The following AGXT2 variants were observed in gnomAD, a reference collection of about 807,000 sequenced individuals.
AGXT2 encodes the protein alanine--glyoxylate aminotransferase 2, mitochondrial.
Under a neutral mutation model 62.5 loss-of-function variants are expected in AGXT2, and 61 were observed. The ratio of observed to expected loss-of-function variants is 0.98; its 90% CI spans 0.79 to 1.21. AGXT2 has a LOEUF of 1.21. AGXT2 is among the 50% of genes most tolerant of loss of function. AGXT2 has a pLI of 0.00. For missense variants in AGXT2, 666 were observed against 641.5 expected, an observed-to-expected ratio of 1.04 and a Z score of -0.41; for synonymous variants, 243 against 218.7, an observed-to-expected ratio of 1.11 and a Z score of -0.98.
In AGXT2 at chr5:35,012,986, TG is replaced by T. The variant is rs1561215892; in HGVS notation, c.1155del (p.Met386TrpfsTer12). On this transcript the variant is annotated frameshift_variant, in exon 11 of 14. Coordinates refer to ENST00000231420, the MANE Select transcript of AGXT2 (RefSeq NM_031900.4). LOFTEE classifies it high-confidence loss of function. ...LQHFNTFGGNPMACAIGSAVL... is the reference protein window; with the variant it reads ...LQHFNTFGGNXMACAIGSAVL... ...ACAGCAGATCCAATGGCACAGGCCA[TG>T]GGGTTCCCTCCAAAGGTGTTGAAGT... The T allele has an allele frequency of 5.8e-6, 9 of 1,551,738 alleles. No individual in the cohort carries two copies. Among genetic ancestry groups the T allele is most frequent in the Middle Eastern group, 1.7e-4 (1 of 5,992 alleles).
chr5:35,034,556 A>G (rs1395522656), intron 5 of AGXT2, among the ~76,000 whole-genome samples: 1 of 152,212 alleles, frequency 6.6e-6, no homozygotes. Flanking sequence ...TGTCTTTTAC[A>G]TTAACTTTAC....
intron 7 of AGXT2, among the ~76,000 whole-genome samples, chr5:35,031,946 T>A (rs1580602233): frequency 1.1e-4 from 1 of 8,818 alleles, no homozygotes. Flanking sequence ...GATCTTGCTT[T>A]TTTTTTTTTT....
In AGXT2 at chr5:35,033,507, C is replaced by T. The variant is rs557822416; in HGVS notation, c.628G>A (p.Val210Ile). Residue 210 changes from valine to isoleucine, a missense_variant, in exon 6 of 14, where the codon GTA becomes ATA. Transcript: ENST00000231420. ...CSPYTLGLTN[V>I]GTYKMELPGG... is the part of the protein sequence containing the mutation. ...GGGAGTTCCATCTTGTAGGTCCCTA[C>T]GTTTGTCAAGCCAAGTGTGTAAGGA... 1.1e-5 allele frequency: 17 copies of T among 1,613,794 alleles called. No homozygotes were observed. Among genetic ancestry groups the T allele is most frequent in the South Asian group, 5.5e-5 (5 of 91,082 alleles).
At chr5:35,034,284 A>G (rs1382202186) in intron 5 of AGXT2, among the ~76,000 whole-genome samples, 2 of 152,162 alleles carry the variant, frequency 1.3e-5, no homozygotes, top group Non-Finnish European at 1.5e-5. Context: ...GAACCCTGGT[A>G]GTACCATGAC....
rs199631717 is a variant in AGXT2, at chr5:35,010,069, A to C, written c.1269T>G (p.Asp423Glu). 1.8e-3 allele frequency: 2,873 copies of C among 1,614,238 alleles called. 62 individuals are homozygous for C. In the South Asian group the frequency reaches 0.03, roughly 17 times the overall value. ...YMLLKFAKLRDEFEIVGDVRG... is the reference protein window; with the variant it reads ...YMLLKFAKLREEFEIVGDVRG... ...GGACGTCTCCAACAATTTCAAATTC[A>C]TCCCGCAGCTTAGCAAACTTTAGTA... The change falls in exon 12 of 14, where the codon GAT (aspartate) becomes GAG (glutamate). Residue 423 changes from aspartate to glutamate, a missense_variant. Physicochemically the swap from Asp to Glu is conservative, Grantham distance 45. Transcript: ENST00000231420.
At chr5:35,040,487 AT>A in intron 2 of AGXT2, 87 bp downstream of exon 2, 1 of 1,279,542 alleles carries the variant, frequency 7.8e-7, no homozygotes, top group Non-Finnish European at 1.1e-6. Flanking sequence ...AAGCAGGGCT[AT>A]TTTTGTGTCA....
intron 4 of AGXT2, among the ~76,000 whole-genome samples, chr5:35,036,364 C>T (rs888915996): frequency 6.6e-5 from 10 of 152,258 alleles, no homozygotes; most frequent in Admixed American, 2.0e-4. Flanking sequence ...TGTATTAACT[C>T]GTTTAATGTC....
intron 3 of AGXT2, among the ~76,000 whole-genome samples, chr5:35,037,934 G>A (rs1042287871): frequency 1.3e-5 from 2 of 152,102 alleles, no homozygotes; most frequent in Admixed American, 1.3e-4. Flanking sequence ...GTCTGAACTT[G>A]CTGTAAAGGA....
intron 1 of AGXT2, among the ~76,000 whole-genome samples, chr5:35,045,969 G>A (rs1467114651): frequency 2.0e-5 from 3 of 151,912 alleles, no homozygotes; most frequent in East Asian, 1.9e-4. Flanking sequence ...GGGTTTCCCC[G>A]TGTTAGCCAG....
At position 35,026,452 on chromosome 5, in the gene AGXT2, A is replaced by G. The variant is rs758998542; in HGVS notation, c.828T>C (p.Ser276=). 1 of 1,614,188 alleles carries G rather than the reference A, an allele frequency of 6.2e-7. No individual in the cohort carries two copies. The highest frequency in any genetic ancestry group is 1.7e-5 in the Admixed American group (1 of 60,034). ...AAAATCCAGCAATTGACTTGGCCACAGATGTGCTCAGCGTATCTTTGAATT... is the reference window on the plus strand; with the variant it reads ...AAAATCCAGCAATTGACTTGGCCACGGATGTGCTCAGCGTATCTTTGAATT... ...IEQFKDTLST[S]VAKSIAGFFA... Residue 276 remains serine (S), a synonymous_variant, in exon 8 of 14, where the codon TCT becomes TCC. Coordinates refer to ENST00000231420, the MANE Select transcript of AGXT2 (RefSeq NM_031900.4).
At position 35,033,568 on chromosome 5, in the gene AGXT2, C is replaced by T. The variant is rs1328250960; in HGVS notation, c.582-15G>A. On this transcript the variant is annotated splice_polypyrimidine_tract_variant and intron_variant, in intron 5 of 13. Coordinates refer to ENST00000231420, the MANE Select transcript of AGXT2 (RefSeq NM_031900.4). The stretch of plus-strand genomic sequence containing the variant: ...GGTAGGCTCCTCTGCAGAGAAGAAA[C>T]AACAGGAGGATGGGGTCAAGTTCCT... 1 of 1,606,584 alleles carries T rather than the reference C, an allele frequency of 6.2e-7. No individual in the cohort carries two copies. Among genetic ancestry groups the T allele is most frequent in the African/African-American group, 1.3e-5 (1 of 74,892 alleles).
In AGXT2 at chr5:35,033,413, A is replaced by G. The variant is rs568280143; in HGVS notation, c.675+47T>C. On this transcript the variant is annotated intron_variant, in intron 6 of 13. Coordinates refer to ENST00000231420, the MANE Select transcript of AGXT2 (RefSeq NM_031900.4). ...AGGAAAACCTGATCAACTACTTCACATACCCAGCAGTCTTTAAAGAAACAA... is the reference window on the plus strand; with the variant it reads ...AGGAAAACCTGATCAACTACTTCACGTACCCAGCAGTCTTTAAAGAAACAA... 6.2e-5 allele frequency: 88 copies of G among 1,415,362 alleles called. No homozygotes were observed. In the South Asian group the frequency reaches 9.7e-4, roughly 16 times the overall value. The allele number at this position is 1,415,362 out of a possible 1,614,324, so 87.7% of individuals were successfully genotyped here.
At chr5:35,038,259 T>C (rs1233061607) in intron 3 of AGXT2, among the ~76,000 whole-genome samples, 1 of 152,162 alleles carries the variant, frequency 6.6e-6, no homozygotes, top group Non-Finnish European at 1.5e-5. Context: ...GAAGAGACAT[T>C]TGACAAAAAC....
At chr5:35,025,936 T>C in intron 8 of AGXT2, 81 bp from the exon 9 acceptor site, 1 of 1,150,506 alleles carries the variant, frequency 8.7e-7, no homozygotes, top group South Asian at 1.3e-5. Context: ...ATCATCATTA[T>C]CATCATTATC....
intron 9 of AGXT2, among the ~76,000 whole-genome samples, chr5:35,024,338 T>A (rs997216832): frequency 4.6e-5 from 7 of 152,190 alleles, no homozygotes; most frequent in African/African-American, 1.7e-4. Context: ...CACCCAGCAG[T>A]GAGACATGGC....
At position 35,022,701 on chromosome 5, in the gene AGXT2, T is replaced by C. The variant is rs542427976; in HGVS notation, c.963+3062A>G. Among the ~76,000 whole-genome samples the C allele has an allele frequency of 3.5e-5, 5 of 144,010 alleles. No homozygotes were observed. In the Admixed American group the frequency reaches 3.6e-4, roughly 10 times the overall value. 94.5% of individuals were successfully genotyped at this position (144,010 alleles called of 152,430 possible). On this transcript the variant is annotated intron_variant, in intron 9 of 13. Coordinates refer to ENST00000231420, the MANE Select transcript of AGXT2 (RefSeq NM_031900.4). ...AACTAACCTGCACATTGTGCACATG[T>C]ACCCTAAAACTTAAAGTATAATAAT...
At chr5:35,026,356 C>T in intron 8 of AGXT2, 54 bp downstream of exon 8, 1 of 1,448,534 alleles carries the variant, frequency 6.9e-7, no homozygotes, top group Non-Finnish European at 9.7e-7. Context: ...TGAGTTAAAA[C>T]TTTCTGATAA....
At chr5:35,026,259 C>T (rs1224604488) in intron 8 of AGXT2, 151 bp downstream of exon 8, 11 of 712,470 alleles carry the variant, frequency 1.5e-5, no homozygotes, top group African/African-American at 5.4e-5. Flanking sequence ...TGAAAGTCAG[C>T]GTCTTCTTTT....
At chr5:35,002,780 G>GA (rs35287798) in intron 13 of AGXT2, among the ~76,000 whole-genome samples, 1 of 151,808 alleles carries the variant, frequency 6.6e-6, no homozygotes, top group Non-Finnish European at 1.5e-5. Context: ...GCAGGCTGGG[G>GA]GGGGGGACTA....
Sources: allele counts gnomAD v4.1 joint callset (sites outside exome capture counted in the v4.1 genomes callset), GRCh38; gene constraint gnomAD v4.1.1; transcripts MANE v1.5; gene names NCBI Gene and HGNC (gene_info 2026-07-23, HGNC 2026-07-21).